RYR1: variants seen among roughly 807,000 people sequenced by gnomAD.
The protein encoded by RYR1 is ryanodine receptor 1.
In RYR1, 342 loss-of-function variants were observed where a neutral mutation model predicts 583.5. The observed-to-expected ratio is 0.59, with a 90% CI of 0.54 to 0.64. The LOEUF (loss-of-function observed/expected upper bound fraction) is 0.64. Among genes scored for constraint, RYR1 ranks in the 30% least tolerant of loss-of-function variants. The pLI, the probability that RYR1 is intolerant of heterozygous loss-of-function variation, is 0.00. For synonymous variants in RYR1, 2,791 were observed against 2,822.5 expected (o/e 0.99, Z 0.35); for missense variants, 6,032 against 6,917.2 (o/e 0.87, Z 4.54).
intron 89 of RYR1, among the ~76,000 whole-genome samples, chr19:38,552,141 C>T (rs903843817): frequency 1.3e-5 from 2 of 151,586 alleles, no homozygotes; most frequent in Admixed American, 6.6e-5. Context: ...ATTTTAGAGA[C>T]GGGGTTTGAC....
At chr19:38,481,098 G>A (rs1047997013) in intron 31 of RYR1, among the ~76,000 whole-genome samples, 10 of 152,024 alleles carry the variant, frequency 6.6e-5, no homozygotes, top group African/African-American at 2.4e-4. Flanking sequence ...GGTGCGCAGT[G>A]GTGCCAACCG....
At chr19:38,550,711 G>T (rs2145797635) in intron 89 of RYR1, among the ~76,000 whole-genome samples, 1 of 152,134 alleles carries the variant, frequency 6.6e-6, no homozygotes, top group African/African-American at 2.4e-5. Context: ...AACTTGGATG[G>T]CTTGGTTAAC....
intron 93 of RYR1, among the ~76,000 whole-genome samples, chr19:38,569,767 G>A (rs772263375): frequency 5.3e-5 from 8 of 152,130 alleles, no homozygotes; most frequent in South Asian, 2.1e-4. Flanking sequence ...TGTAAAGTGC[G>A]CATAACAGTA....
At chr19:38,582,850 C>T (rs1974276671) in intron 101 of RYR1, among the ~76,000 whole-genome samples, 1 of 152,122 alleles carries the variant, frequency 6.6e-6, no homozygotes. Flanking sequence ...TGGGTTCCTC[C>T]CTGCTCTCAG....
Position 38,512,433 on chromosome 19 carries a change from C to G in RYR1, c.9422C>G (p.Thr3141Ser). The G allele has an allele frequency of 6.2e-7, 1 of 1,613,688 alleles. No individual in the cohort carries two copies. The highest frequency in any genetic ancestry group is 1.1e-5 in the South Asian group (1 of 91,086). The change falls in exon 63 of 106, where the codon ACC becomes AGC. Residue 3141 changes from threonine (T) to serine (S), a missense_variant. By Grantham distance (58) the Thr-to-Ser change is moderately conservative. Around this residue, in one of 11 missense-constraint regions of RYR1, gnomAD observed 1,493 missense variants for 1,715.5 expected, o/e 0.87. Transcript: ENST00000359596. This position sits in a 1 kb window ranked among gnomAD's most constrained non-coding sequence, Gnocchi z 5.1. ...YTTVALLPVL[T>S]TLFQHIAQHQ... is the part of the protein sequence containing the mutation. ...ACTGTGGCACTGCTGCCGGTCCTCACCACCCTCTTCCAGCACATCGCCCAG... is the reference window on the plus strand; with the variant it reads ...ACTGTGGCACTGCTGCCGGTCCTCAGCACCCTCTTCCAGCACATCGCCCAG...
At position 38,523,009 on chromosome 19, in the gene RYR1, T is replaced by C. The variant is rs767112399; in HGVS notation, c.10260-19T>C. The C allele has an allele frequency of 6.9e-7, 1 of 1,458,736 alleles. No individual in the cohort carries two copies. Among genetic ancestry groups the C allele is most frequent in the Non-Finnish European group, 9.3e-7 (1 of 1,076,470 alleles). 90.4% of individuals were successfully genotyped at this position (1,458,736 alleles called of 1,614,324 possible). On this transcript the variant is annotated intron_variant, in intron 67 of 105. Transcript: ENST00000359596. Reference sequence around the variant, plus strand: ...TGGGATCCCCACCCCCTCCCTCACCTCCCCTCCGCTGACCCCAGGGCGCAG... The same window carrying C: ...TGGGATCCCCACCCCCTCCCTCACCCCCCCTCCGCTGACCCCAGGGCGCAG...
intron 73 of RYR1, chr19:38,527,992 G>T: frequency 1.6e-6 from 1 of 634,890 alleles, no homozygotes; most frequent in Non-Finnish European, 2.7e-6. Context: ...GGACAGGGAA[G>T]GGGCAGATCT....
At chr19:38,525,029 A>G (rs1600920165) in intron 70 of RYR1, among the ~76,000 whole-genome samples, 1 of 152,084 alleles carries the variant, frequency 6.6e-6, no homozygotes, top group Non-Finnish European at 1.5e-5. Flanking sequence ...GATCACTTGA[A>G]GCCAAGAGTT....
chr19:38,525,542 C>T (rs1295728143), intron 71 of RYR1, 40 bp downstream of exon 71: 6 of 1,602,036 alleles, frequency 3.7e-6, no homozygotes, highest in South Asian at 2.2e-5. Context: ...TCCAGGATGC[C>T]GCCCAGCACC....
chr19:38,443,889 A>G (rs1238773962), intron 5 of RYR1, 93 bp downstream of exon 5: 3 of 1,206,198 alleles, frequency 2.5e-6, no homozygotes, highest in Non-Finnish European at 3.7e-6. Context: ...CAAGCATGAG[A>G]CTACCCTGGG....
At chr19:38,550,138 C>G (rs1972605683) in intron 89 of RYR1, among the ~76,000 whole-genome samples, 1 of 152,142 alleles carries the variant, frequency 6.6e-6, no homozygotes, top group Admixed American at 6.6e-5. Context: ...GACAATTATG[C>G]TAATCAGGAA....
intron 74 of RYR1, 50 bp downstream of exon 74, chr19:38,528,468 G>A (rs766344374): frequency 6.2e-7 from 1 of 1,605,098 alleles, no homozygotes; most frequent in South Asian, 1.1e-5. Flanking sequence ...GAGAAAGGGT[G>A]GCTGGAGAGT....
At chr19:38,518,324 C>T (rs1971065463) in intron 66 of RYR1, among the ~76,000 whole-genome samples, 1 of 149,762 alleles carries the variant, frequency 6.7e-6, no homozygotes. Context: ...CTTTGAGAGG[C>T]CAAGGTGGGT....
rs916134644 is a variant in RYR1, at chr19:38,496,150, G to A, written c.6549-65G>A. On this transcript the variant is annotated intron_variant, in intron 39 of 105. Transcript: ENST00000359596. The surrounding 1 kb of genome is among the most constrained non-coding windows in gnomAD (Gnocchi z 4.8). ...GGTCAAGAATGCCAACGCTGTCACAGTGGTGGCTATGGCCCTCTCCGGACC... is the reference window on the plus strand; with the variant it reads ...GGTCAAGAATGCCAACGCTGTCACAATGGTGGCTATGGCCCTCTCCGGACC... 11 of 1,309,678 alleles carry A rather than the reference G, an allele frequency of 8.4e-6. No individual in the cohort carries two copies. The highest frequency in any genetic ancestry group is 1.8e-4 in the Middle Eastern group (1 of 5,522). 81.1% of individuals were successfully genotyped at this position (1,309,678 alleles called of 1,614,324 possible). A position where few individuals can be genotyped will look rare whatever the true frequency, so the allele number is the denominator to read the frequency against.
chr19:38,536,279 CCG>C lies in RYR1; in HGVS notation c.11590+211_11590+212del, dbSNP rs1568550657. Among the ~76,000 whole-genome samples, 4 of 96,630 alleles carry C rather than the reference CCG, an allele frequency of 4.1e-5. No homozygotes were observed. In the East Asian group the frequency reaches 1.5e-3, roughly 37 times the overall value. The allele number at this position is 96,630 out of a possible 152,430, so 63.4% of individuals were successfully genotyped here. ...CCCTCCCCATGTCCACCACCCACCT[CCG>C]CCCCCCCCCGCCACCAGAAGTCATT... On this transcript the variant is annotated intron_variant, in intron 82 of 105. Coordinates refer to ENST00000359596, the MANE Select transcript of RYR1 (RefSeq NM_000540.3).
chr19:38,543,803 G>C lies in RYR1; in HGVS notation c.11940G>C (p.Ala3980=), dbSNP rs750022861. 38 of 1,613,588 alleles carry C rather than the reference G, an allele frequency of 2.4e-5. No individual in the cohort carries two copies. Among genetic ancestry groups the C allele is most frequent in the Non-Finnish European group, 3.1e-5 (36 of 1,180,026 alleles). The change falls in exon 87 of 106, where the codon GCG becomes GCC. Residue 3980 remains alanine (A), a synonymous_variant. Coordinates refer to ENST00000359596, the MANE Select transcript of RYR1 (RefSeq NM_000540.3). This position sits in a 1 kb window ranked among gnomAD's most constrained non-coding sequence, Gnocchi z 4.4. ...GCACCGGGAACCAGCAGAGCCTGGC[G>C]CACAGTCGCCTATGGGACGCAGTGG... The part of the protein sequence containing the change: ...GPCTGNQQSL[A]HSRLWDAVVG...
At chr19:38,464,283 A>G (rs1383483728) in intron 22 of RYR1, among the ~76,000 whole-genome samples, 1 of 15,282 alleles carries the variant, frequency 6.5e-5, no homozygotes, top group Non-Finnish European at 1.5e-4. Context: ...TTTCAGAAAA[A>G]AAAAAAAAAA....
intron 3 of RYR1, 22 bp from the exon 4 acceptor site, chr19:38,443,536 T>C: frequency 6.2e-7 from 1 of 1,609,822 alleles, no homozygotes; most frequent in Non-Finnish European, 8.5e-7. Context: ...GTGCTTATTC[T>C]GTTCCCTCCC....
intron 25 of RYR1, among the ~76,000 whole-genome samples, chr19:38,468,041 C>CCAT (rs1968206454): frequency 7.1e-6 from 1 of 140,126 alleles, no homozygotes; most frequent in African/African-American, 2.7e-5. Flanking sequence ...ATCCATCCAT[C>CCAT]CATCCATCAT....
Sources: gnomAD v4.1 joint callset for allele counts (sites outside exome capture counted in the v4.1 genomes callset) on GRCh38, gnomAD v4.1.1 for gene constraint, gnomAD v4.1.1 regional missense constraint, Gnocchi (gnomAD v3.1) non-coding constraint, MANE v1.5 for transcripts, NCBI Gene and HGNC (gene_info 2026-07-23, HGNC 2026-07-21) for gene names.